MXD3: variants seen among roughly 807,000 people sequenced by gnomAD.
The protein encoded by MXD3 is MAX dimerization protein 3, also known as Max-associated protein 3.
A neutral mutation model predicts 27.5 loss-of-function variants in MXD3; 20 were observed. That is an observed-to-expected ratio of 0.73 (90% CI 0.51 to 1.06). MXD3 has a LOEUF of 1.06. Ranked by LOEUF, MXD3 falls within the 50% of genes least tolerant of loss-of-function variation. MXD3 has a pLI of 0.00. For missense variants in MXD3, 298 were observed against 291.3 expected (o/e 1.02, Z -0.17); for synonymous variants, 150 against 130.7 (o/e 1.15, Z -1.01).
At position 177,307,921 on chromosome 5, in the gene MXD3, C is replaced by G; in HGVS notation, c.365G>C (p.Arg122Thr). ...CAGGCTCTGCTGCTTGCTGCGCAGC[C>G]TCTCCTTGAGCTGTCGGGCCCGCTG... ...QEQRARQLKERLRSKQQSLQR... is the reference protein window; with the variant it reads ...QEQRARQLKETLRSKQQSLQR... Residue 122 changes from arginine (R) to threonine (T), a missense_variant, in exon 5 of 6, where the codon AGG becomes ACG. Transcript: ENST00000439742. The G allele has an allele frequency of 6.3e-7, 1 of 1,593,204 alleles. No homozygotes were observed. The highest frequency in any genetic ancestry group is 8.5e-7 in the Non-Finnish European group (1 of 1,170,254).
In MXD3 at chr5:177,307,642, G is replaced by A. The variant is rs756699534; in HGVS notation, c.567C>T (p.Gly189=). The A allele has an allele frequency of 3.1e-6, 5 of 1,613,406 alleles. No individual in the cohort carries two copies. The South Asian group carries it at 5.5e-5, about 18-fold the overall frequency. The change falls in exon 6 of 6, where the codon GGC becomes GGT. Residue 189 remains glycine (G), a synonymous_variant. Transcript: ENST00000439742. ...AGCTGTGCTCCTGGCCGGCGACGAAGCCCCGCAGCAGCTCGGCCTCACCCC... is the reference window on the plus strand; with the variant it reads ...AGCTGTGCTCCTGGCCGGCGACGAAACCCCGCAGCAGCTCGGCCTCACCCC... ...VFGGEAELLR[G]FVAGQEHSYS...
chr5:177,311,130 G>C (rs1761024356), intron 2 of MXD3: 1 of 524,326 alleles, frequency 1.9e-6, no homozygotes, highest in Non-Finnish European at 3.4e-6. Context: ...GCGGGAGTGC[G>C]AGTGGAAGCG....
intron 4 of MXD3, among the ~76,000 whole-genome samples, chr5:177,308,709 A>T (rs936789307): frequency 6.6e-6 from 1 of 152,092 alleles, no homozygotes; most frequent in African/African-American, 2.4e-5. Context: ...GGAAAGTCAG[A>T]TTTTTCATGT....
chr5:177,311,559 G>T, intron 1 of MXD3, 75 bp from the exon 2 acceptor site: 1 of 1,270,734 alleles, frequency 7.9e-7, no homozygotes, highest in Non-Finnish European at 1.1e-6. Context: ...GCACAGCACG[G>T]TCAAGGAAAG....
downstream of MXD3, chr5:177,307,054 G>A (rs1457682425): frequency 2.1e-6 from 3 of 1,453,534 alleles, no homozygotes; most frequent in East Asian, 7.5e-5. Flanking sequence ...TACCATCCGT[G>A]AAGTGGAGAC....
chr5:177,312,075 G>GGGCGCTGGCTCCAGGCCT, upstream of MXD3: 1 of 1,199,384 alleles, frequency 8.3e-7, no homozygotes, highest in Non-Finnish European at 1.0e-6. Flanking sequence ...GGGCAGGTAA[G>GGGCGCTGGCTCCAGGCCT]GGCGCTGGCT....
chr5:177,306,270 C>A, downstream of MXD3: 2 of 1,559,056 alleles, frequency 1.3e-6, no homozygotes, highest in East Asian at 2.2e-5. Flanking sequence ...CTGCTCTGAG[C>A]TGGGACTCCT....
chr5:177,308,034 T>C, intron 4 of MXD3, 70 bp from the exon 5 acceptor site: 1 of 1,389,242 alleles, frequency 7.2e-7, no homozygotes, highest in Non-Finnish European at 9.6e-7. Context: ...CCAGCACCAC[T>C]CAGTACCGGG....
upstream of MXD3, chr5:177,312,479 C>T (rs1000246353): frequency 6.1e-6 from 6 of 985,338 alleles, no homozygotes; most frequent in African/African-American, 1.0e-4. Flanking sequence ...AAAACCCAAG[C>T]GATGGGGCGG....
At chr5:177,306,220 A>G, downstream of MXD3, 1 of 1,592,902 alleles carries the variant, frequency 6.3e-7, no homozygotes, top group Non-Finnish European at 8.6e-7. Flanking sequence ...GGAGAGGCTC[A>G]TTCAGCCTAG....
chr5:177,311,410 G>A lies in MXD3; in HGVS notation c.145C>T (p.Pro49Ser). The change falls in exon 2 of 6, where the codon CCC (proline) becomes TCC (serine). Residue 49 changes from proline (P) to serine (S), a missense_variant. Transcript: ENST00000439742. ...GPIHRRKKRP[P>S]QAPGAQDSGR... ...CTGTCCTGCGCGCCAGGAGCCTGGGGGGGTCGCTTCTTCCTCCTGTGGATG... is the reference window on the plus strand; with the variant it reads ...CTGTCCTGCGCGCCAGGAGCCTGGGAGGGTCGCTTCTTCCTCCTGTGGATG... 1 of 1,442,868 alleles carries A rather than the reference G, an allele frequency of 6.9e-7. No individual in the cohort carries two copies. The highest frequency in any genetic ancestry group is 9.0e-7 in the Non-Finnish European group (1 of 1,104,988). 89.4% of individuals were successfully genotyped at this position (1,442,868 alleles called of 1,614,324 possible).
rs35691394 is a variant in MXD3 at position 177,307,944 on chromosome 5, C to A, written c.342G>T (p.Gln114His). ...GCCTCTCCTTGAGCTGTCGGGCCCG[C>A]TGCTCCTGATCCTCCAGCTTCTGCG... Reference protein sequence around the residue: ...MHIQKLEDQEQRARQLKERLR... With the variant: ...MHIQKLEDQEHRARQLKERLR... Residue 114 changes from glutamine to histidine, a missense_variant, in exon 5 of 6, where the codon CAG (glutamine) becomes CAT (histidine). Coordinates refer to ENST00000439742, the MANE Select transcript of MXD3 (RefSeq NM_031300.4). The A allele has an allele frequency of 4.0e-4, 630 of 1,571,268 alleles. 7 individuals carry two copies. In the African/African-American group the frequency reaches 7.7e-3, roughly 19 times the overall value.
At chr5:177,308,730 T>C (rs895338255) in intron 4 of MXD3, among the ~76,000 whole-genome samples, 12 of 152,182 alleles carry the variant, frequency 7.9e-5, no homozygotes, top group Non-Finnish European at 1.6e-4. Flanking sequence ...CAAATGTCTT[T>C]TGAGGGATTG....
In MXD3 at chr5:177,311,865, G is replaced by A. The variant is rs1018566192; in HGVS notation, c.-35C>T. The A allele has an allele frequency of 6.3e-7, 1 of 1,599,966 alleles. No individual in the cohort carries two copies. The highest frequency in any genetic ancestry group is 8.5e-7 in the Non-Finnish European group (1 of 1,174,188). On this transcript the variant is annotated 5_prime_UTR_variant, in exon 1 of 6. Coordinates refer to ENST00000439742, the MANE Select transcript of MXD3 (RefSeq NM_031300.4). The stretch of plus-strand genomic sequence containing the variant: ...AGCTGGCGGCGGGCCGGCCTAGGGT[G>A]CCGGCCGGAGCAAGCGGCTGCAGCA...
downstream of MXD3, chr5:177,306,613 C>T (rs1196211106): frequency 2.5e-5 from 39 of 1,581,478 alleles, no homozygotes; most frequent in Non-Finnish European, 3.4e-5. Context: ...CTAGGCTTAG[C>T]CTCTCTGCCC....
chr5:177,312,655 CCCT>C (rs957979911), upstream of MXD3: 5 of 985,396 alleles, frequency 5.1e-6, no homozygotes, highest in Middle Eastern at 5.2e-4. Flanking sequence ...ATCTCGGCCC[CCCT>C]CCTCTTCTGT....
downstream of MXD3, chr5:177,305,759 A>T (rs1581586725): frequency 4.6e-6 from 4 of 862,658 alleles, no homozygotes; most frequent in Non-Finnish European, 7.4e-6. Context: ...CAGGGGAAGG[A>T]ATGGATTTTC....
At chr5:177,306,375 G>C, downstream of MXD3, 1 of 1,612,494 alleles carries the variant, frequency 6.2e-7, no homozygotes, top group Non-Finnish European at 8.5e-7. Flanking sequence ...AAATTAGGTT[G>C]GTCTTTCAGG....
downstream of MXD3, chr5:177,306,230 G>C: frequency 6.3e-7 from 1 of 1,585,698 alleles, no homozygotes. Flanking sequence ...ATTCAGCCTA[G>C]CGGGCGTGGA....
Sources: gnomAD v4.1 joint callset for allele counts (sites outside exome capture counted in the v4.1 genomes callset) on GRCh38, gnomAD v4.1.1 for gene constraint, MANE v1.5 for transcripts, NCBI Gene and HGNC (gene_info 2026-07-23, HGNC 2026-07-21) for gene names.